Variants in CPEB1 observed in about 807,000 individuals in gnomAD.
CPEB1 encodes the protein cytoplasmic polyadenylation element binding protein 1, also known as cytoplasmic polyadenylation element-binding protein 1.
In CPEB1, 7 loss-of-function variants were observed where a neutral mutation model predicts 65.8. That is an observed-to-expected ratio of 0.11 (90% CI 0.06 to 0.20). The LOEUF is 0.20. Among genes scored for constraint, CPEB1 ranks in the 10% least tolerant of loss-of-function variants. The pLI is 1.00. For synonymous variants in CPEB1, 262 were observed against 260.0 expected, an observed-to-expected ratio of 1.01 and a Z score of -0.08; for missense variants, 551 against 712.2, an observed-to-expected ratio of 0.77 and a Z score of 2.58.
At chr15:82,603,456 T>G (rs932925900) in intron 3 of CPEB1, among the ~76,000 whole-genome samples, 15 of 150,606 alleles carry the variant, frequency 1.0e-4, no homozygotes, top group East Asian at 3.9e-4. Context: ...CAAAAAAGCT[T>G]AAAAGGCTGG....
At position 82,571,474 on chromosome 15, in the gene CPEB1, T is replaced by C. The variant is rs779907006; in HGVS notation, c.330A>G (p.Gln110=). The change falls in exon 4 of 13, where the codon CAA becomes CAG. Residue 110 remains glutamine (Q), a synonymous_variant. Coordinates refer to ENST00000684509, the MANE Select transcript of CPEB1 (RefSeq NM_001365242.1). ...TSRMLFPTSA[Q]ESSRGLPDAN... is the part of the protein sequence containing the mutation. ...CATCTGGGAGGCCACGGGAAGATTCTTGCGCAGAGGTTGGGAAAAGCATCC... is the reference window on the plus strand; with the variant it reads ...CATCTGGGAGGCCACGGGAAGATTCCTGCGCAGAGGTTGGGAAAAGCATCC... 1.1e-5 allele frequency: 18 copies of C among 1,614,074 alleles called. No homozygotes were observed. Among genetic ancestry groups the C allele is most frequent in the Non-Finnish European group, 1.5e-5 (18 of 1,180,018 alleles).
At chr15:82,647,045 G>C (rs1423930147) in intron 1 of CPEB1, 92 bp downstream of exon 1, 1 of 152,932 alleles carries the variant, frequency 6.5e-6, no homozygotes, top group South Asian at 2.1e-4. Flanking sequence ...GGTCCGAACA[G>C]CACAGCCCAG....
At position 82,552,488 on chromosome 15, in the gene CPEB1, A is replaced by G. The variant is rs376299266; in HGVS notation, c.1273T>C (p.Cys425Arg). 2 of 1,580,460 alleles carry G rather than the reference A, an allele frequency of 1.3e-6. No individual in the cohort carries two copies. Among genetic ancestry groups the G allele is most frequent in the Non-Finnish European group, 1.7e-6 (2 of 1,166,206 alleles). Reference protein sequence around the residue: ...YFKMSSRRMRCKEVQVIPWVL... With the variant: ...YFKMSSRRMRRKEVQVIPWVL... ...ACATCACGCTAACTCACCTCCTTGC[A>G]GCGCATCCTTCGGCTGGACATCTTG... The change falls in exon 9 of 13, where the codon TGC becomes CGC. Residue 425 changes from cysteine (C) to arginine (R), a missense_variant. Transcript: ENST00000684509.
chr15:82,569,224 G>A (rs1457489179), intron 4 of CPEB1, among the ~76,000 whole-genome samples: 2 of 152,162 alleles, frequency 1.3e-5, no homozygotes, highest in Admixed American at 1.3e-4. Context: ...TCCTACTCCA[G>A]GAGGTAGTAC....
At chr15:82,557,362 T>G (rs1436428587) in intron 5 of CPEB1, among the ~76,000 whole-genome samples, 3 of 152,250 alleles carry the variant, frequency 2.0e-5, no homozygotes, top group Non-Finnish European at 4.4e-5. Context: ...TTTACGTTAT[T>G]ACTTAATTGT....
chr15:82,628,686 C>T (rs1197871797), intron 1 of CPEB1, 130 bp from the exon 2 acceptor site: 2 of 512,796 alleles, frequency 3.9e-6, no homozygotes, highest in Non-Finnish European at 6.9e-6. Flanking sequence ...CTTACATCCG[C>T]TCCACATCCT....
chr15:82,638,049 G>C, intron 1 of CPEB1: 4 of 440,854 alleles, frequency 9.1e-6, no homozygotes, highest in Non-Finnish European at 1.8e-5. Flanking sequence ...GGGATTTTCT[G>C]GTCTGTTTCT....
intron 1 of CPEB1, among the ~76,000 whole-genome samples, chr15:82,633,768 A>T (rs1198350592): frequency 6.6e-6 from 1 of 152,212 alleles, no homozygotes; most frequent in Non-Finnish European, 1.5e-5. Context: ...TATAGCCATG[A>T]TCATCAACTA....
intron 3 of CPEB1, among the ~76,000 whole-genome samples, chr15:82,578,950 A>G (rs1396600717): frequency 6.6e-6 from 1 of 152,026 alleles, no homozygotes; most frequent in Non-Finnish European, 1.5e-5. Flanking sequence ...CAGCCTCCCG[A>G]GTAGCTGGGA....
chr15:82,592,103 A>G (rs970961141), intron 3 of CPEB1, among the ~76,000 whole-genome samples: 10 of 151,798 alleles, frequency 6.6e-5, no homozygotes, highest in Non-Finnish European at 1.5e-4. Context: ...CAGCCTCCCA[A>G]AGTGCTTGGA....
intron 3 of CPEB1, among the ~76,000 whole-genome samples, chr15:82,612,153 A>C (rs768514599): frequency 3.9e-5 from 6 of 152,194 alleles, no homozygotes; most frequent in Non-Finnish European, 5.9e-5. Flanking sequence ...AATTTAAATG[A>C]AACAGAGAAA....
rs149546245 is a variant in CPEB1, at chr15:82,641,986, TACTA to T, written c.-98+5147_-98+5150del. Among the ~76,000 whole-genome samples, 333 of 152,354 alleles carry T rather than the reference TACTA, an allele frequency of 2.2e-3. 2 individuals carry two copies. The highest frequency in any genetic ancestry group is 3.4e-3 in the Middle Eastern group (1 of 294). On this transcript the variant is annotated intron_variant, in intron 1 of 12. Transcript: ENST00000684509. ...TGAATTTAGCACTCTGAAATTTGGA[TACTA>T]ACTTTTTACAGCAAGTCAGATAATT...
chr15:82,601,794 T>C (rs927548522), intron 3 of CPEB1, among the ~76,000 whole-genome samples: 1 of 140,832 alleles, frequency 7.1e-6, no homozygotes, highest in Non-Finnish European at 1.6e-5. Flanking sequence ...TTCATAAGTA[T>C]CGAGAGATCA....
At chr15:82,604,257 G>A (rs954195871) in intron 3 of CPEB1, among the ~76,000 whole-genome samples, 4 of 152,182 alleles carry the variant, frequency 2.6e-5, no homozygotes, top group African/African-American at 9.7e-5. Context: ...GCCGAGGCAG[G>A]CGGATCACAA....
intron 3 of CPEB1, among the ~76,000 whole-genome samples, chr15:82,606,944 G>C (rs1046085516): frequency 5.3e-5 from 8 of 151,936 alleles, no homozygotes; most frequent in Admixed American, 2.0e-4. Flanking sequence ...ACCAGCCTGG[G>C]TGACAGAGCA....
rs1390538629 is a variant in CPEB1, at chr15:82,571,541, G to A, written c.272-9C>T. On this transcript the variant is annotated splice_polypyrimidine_tract_variant and intron_variant, in intron 3 of 12. Transcript: ENST00000684509. The stretch of plus-strand genomic sequence containing the variant: ...TTCAGAGTCCTGGAAGTCTGTTTTG[G>A]AAAGGAGCACAGCAGAAACCTCAGA... 1.9e-6 allele frequency: 3 copies of A among 1,611,940 alleles called. No individual in the cohort carries two copies. Among genetic ancestry groups the A allele is most frequent in the East Asian group, 2.2e-5 (1 of 44,872 alleles).
intron 3 of CPEB1, among the ~76,000 whole-genome samples, chr15:82,602,484 G>A (rs1277803153): frequency 6.6e-6 from 1 of 152,128 alleles, no homozygotes; most frequent in Non-Finnish European, 1.5e-5. Flanking sequence ...AGGAGTTTGA[G>A]GTTACAGTAA....
chr15:82,564,975 C>T (rs2038884722), intron 4 of CPEB1, among the ~76,000 whole-genome samples: 1 of 152,152 alleles, frequency 6.6e-6, no homozygotes, highest in Admixed American at 6.5e-5. Context: ...GGGGCAATGC[C>T]ATCCTAGAGA....
chr15:82,550,688 G>C lies in CPEB1; in HGVS notation c.1282-1030C>G, dbSNP rs1176310627. 5.9e-5 allele frequency among the ~76,000 whole-genome samples: 9 copies of C among 152,138 alleles called. No homozygotes were observed. In the East Asian group the frequency reaches 1.7e-3, roughly 29 times the overall value. On this transcript the variant is annotated intron_variant, in intron 9 of 12. Transcript: ENST00000684509. ...AAGAAGGATCCCACAGGAAGGTGAG[G>C]CTCAGGTAGGACATGAGGCTAGAAA...
Sources: allele counts gnomAD v4.1 joint callset (sites outside exome capture counted in the v4.1 genomes callset), GRCh38; gene constraint gnomAD v4.1.1; transcripts MANE v1.5; gene names NCBI Gene and HGNC (gene_info 2026-07-23, HGNC 2026-07-21).